Variants in GALNT1 observed in about 807,000 individuals in gnomAD.
GALNT1 encodes polypeptide N-acetylgalactosaminyltransferase 1, also known as GalNAc transferase 1.
GALNT1 carries 17 observed loss-of-function variants against 65.7 expected under a neutral mutation model. That is an observed-to-expected ratio of 0.26 (90% CI 0.18 to 0.39). GALNT1 has a LOEUF of 0.39. Among genes scored for constraint, GALNT1 ranks in the 10% least tolerant of loss-of-function variants. The pLI is 1.00. For synonymous variants in GALNT1, 210 were observed against 219.7 expected, an observed-to-expected ratio of 0.96 and a Z score of 0.39; for missense variants, 460 against 672.8, an observed-to-expected ratio of 0.68 and a Z score of 3.50.
At chr18:35,672,470 G>A (rs749660915) in intron 3 of GALNT1, among the ~76,000 whole-genome samples, 1 of 152,174 alleles carries the variant, frequency 6.6e-6, no homozygotes. Context: ...GGTGTGGGAT[G>A]GCCCTTGGAG....
intron 11 of GALNT1, among the ~76,000 whole-genome samples, chr18:35,706,234 G>A (rs1468202867): frequency 2.0e-5 from 3 of 151,988 alleles, no homozygotes; most frequent in Non-Finnish European, 4.4e-5. Flanking sequence ...GAGCCGGCCG[G>A]GCGCGGTGGC....
In GALNT1 at chr18:35,581,833, T is replaced by TGCCGCC. The variant is rs200772432; in HGVS notation, c.-121_-116dup. On this transcript the variant is annotated 5_prime_UTR_variant, in exon 1 of 12. Coordinates refer to ENST00000269195, the MANE Select transcript of GALNT1 (RefSeq NM_020474.4). ...CGCCGCGGCCGGCCCGGAGGACGCC[T>TGCCGCC]GCCGCCGCCGCCGCCGCGCGCCTAG... The TGCCGCC allele has an allele frequency of 2.5e-3, 353 of 143,672 alleles. 1 individual carries two copies. The highest frequency in any genetic ancestry group is 5.2e-3 in the African/African-American group (207 of 40,076). 8.9% of individuals were successfully genotyped at this position (143,672 alleles called of 1,614,324 possible).
At chr18:35,599,570 C>T (rs946924549) in intron 1 of GALNT1, among the ~76,000 whole-genome samples, 1 of 152,122 alleles carries the variant, frequency 6.6e-6, no homozygotes, top group Non-Finnish European at 1.5e-5. Context: ...CCTGGTTTCA[C>T]CAGGCTGGTC....
chr18:35,613,394 A>G (rs1407208829), intron 1 of GALNT1, among the ~76,000 whole-genome samples: 2 of 152,198 alleles, frequency 1.3e-5, no homozygotes, highest in African/African-American at 4.8e-5. Flanking sequence ...AAATGTTAAA[A>G]ATACTGGACT....
At chr18:35,634,809 G>A (rs1454555987) in intron 1 of GALNT1, among the ~76,000 whole-genome samples, 1 of 152,132 alleles carries the variant, frequency 6.6e-6, no homozygotes, top group Non-Finnish European at 1.5e-5. Flanking sequence ...TATCAATGTA[G>A]GGAACTGTTC....
intron 1 of GALNT1, among the ~76,000 whole-genome samples, chr18:35,645,332 C>G (rs1444562568): frequency 6.6e-6 from 1 of 150,414 alleles, no homozygotes; most frequent in African/African-American, 2.5e-5. Context: ...CCAGGTCACA[C>G]CATTCTCCTG....
intron 1 of GALNT1, among the ~76,000 whole-genome samples, chr18:35,649,434 G>A (rs958598020): frequency 9.9e-5 from 15 of 151,914 alleles, no homozygotes; most frequent in Non-Finnish European, 1.6e-4. Context: ...TATATATTCC[G>A]GATACTAGTC....
At chr18:35,708,358 G>A (rs1379792633) in intron 11 of GALNT1, among the ~76,000 whole-genome samples, 1 of 152,210 alleles carries the variant, frequency 6.6e-6, no homozygotes, top group Admixed American at 6.5e-5. Flanking sequence ...AGTGACATCT[G>A]CAAAGATAGA....
intron 1 of GALNT1, among the ~76,000 whole-genome samples, chr18:35,617,600 G>A (rs2046801026): frequency 1.3e-5 from 2 of 152,060 alleles, no homozygotes; most frequent in African/African-American, 4.8e-5. Context: ...TCACTCCCCT[G>A]CTCTTAAGCC....
intron 5 of GALNT1, among the ~76,000 whole-genome samples, chr18:35,684,014 G>A (rs2047827896): frequency 6.6e-6 from 1 of 152,222 alleles, no homozygotes; most frequent in Non-Finnish European, 1.5e-5. Flanking sequence ...AGCACATTGT[G>A]TCCTGAAATG....
intron 3 of GALNT1, 99 bp from the exon 4 acceptor site, chr18:35,677,492 G>A (rs770730634): frequency 1.9e-5 from 17 of 910,434 alleles, no homozygotes; most frequent in Non-Finnish European, 2.4e-5. Context: ...CACCACTAGA[G>A]CAAACTGCTT....
intron 1 of GALNT1, among the ~76,000 whole-genome samples, chr18:35,642,219 GA>G (rs2047173076): frequency 6.6e-6 from 1 of 152,180 alleles, no homozygotes; most frequent in Non-Finnish European, 1.5e-5. Flanking sequence ...AACCTAGAAA[GA>G]ACCCAAATGT....
chr18:35,632,820 C>G (rs1472179112), intron 1 of GALNT1, among the ~76,000 whole-genome samples: 1 of 152,124 alleles, frequency 6.6e-6, no homozygotes, highest in Non-Finnish European at 1.5e-5. Flanking sequence ...GGGCTAATAT[C>G]CAGAATCTAC....
At chr18:35,667,134 T>G (rs932925151) in intron 3 of GALNT1, among the ~76,000 whole-genome samples, 6 of 152,226 alleles carry the variant, frequency 3.9e-5, no homozygotes, top group African/African-American at 1.4e-4. Flanking sequence ...TATTGACACC[T>G]CTTTGTAGTC....
rs1178416922 is a variant in GALNT1 at position 35,711,788 on chromosome 18, A to G, written c.*2018A>G. The G allele has an allele frequency of 1.3e-5, 2 of 152,170 alleles. No individual in the cohort carries two copies. The highest frequency in any genetic ancestry group is 1.5e-5 in the Non-Finnish European group (1 of 68,032). 9.4% of individuals were successfully genotyped at this position (152,170 alleles called of 1,614,324 possible). A position where few individuals can be genotyped will look rare whatever the true frequency, so the allele number is the denominator to read the frequency against. On this transcript the variant is annotated 3_prime_UTR_variant, in exon 12 of 12. Coordinates refer to ENST00000269195, the MANE Select transcript of GALNT1 (RefSeq NM_020474.4). ...TAATCCCATTGCCTTTATTTTTCTAATTAAAGAATTCCTAAATACTTTGAA... is the reference window on the plus strand; with the variant it reads ...TAATCCCATTGCCTTTATTTTTCTAGTTAAAGAATTCCTAAATACTTTGAA...
At chr18:35,629,775 A>T (rs1055787502) in intron 1 of GALNT1, among the ~76,000 whole-genome samples, 2 of 152,198 alleles carry the variant, frequency 1.3e-5, no homozygotes, top group Non-Finnish European at 2.9e-5. Flanking sequence ...AATTGGATAA[A>T]GAGTCAAGAC....
intron 3 of GALNT1, among the ~76,000 whole-genome samples, chr18:35,676,800 C>A (rs753935744): frequency 6.6e-6 from 1 of 152,166 alleles, no homozygotes; most frequent in East Asian, 1.9e-4. Context: ...CTCTGATAGG[C>A]TGTTATCTAG....
chr18:35,640,891 G>A (rs2047151732), intron 1 of GALNT1, among the ~76,000 whole-genome samples: 1 of 152,144 alleles, frequency 6.6e-6, no homozygotes, highest in Non-Finnish European at 1.5e-5. Context: ...GCTTAAATGG[G>A]AAAAGCAAAC....
intron 1 of GALNT1, among the ~76,000 whole-genome samples, chr18:35,589,132 G>C (rs2046413744): frequency 6.6e-6 from 1 of 152,084 alleles, no homozygotes; most frequent in Non-Finnish European, 1.5e-5. Flanking sequence ...AGAAGTACAG[G>C]CTCCCCACTT....
Sources: allele counts gnomAD v4.1 joint callset (sites outside exome capture counted in the v4.1 genomes callset), GRCh38; gene constraint gnomAD v4.1.1; transcripts MANE v1.5; gene names NCBI Gene and HGNC (gene_info 2026-07-23, HGNC 2026-07-21).